NUDCD1: variants seen among roughly 807,000 people sequenced by gnomAD.
NUDCD1 encodes the protein nudC domain-containing protein 1.
A neutral mutation model predicts 67.8 loss-of-function variants in NUDCD1; 60 were observed. The observed-to-expected ratio is 0.88, with a 90% CI of 0.72 to 1.10. The LOEUF (loss-of-function observed/expected upper bound fraction) is 1.10. NUDCD1 is among the 50% of genes least tolerant of loss of function. NUDCD1 has a pLI of 0.00. For missense variants in NUDCD1, 643 were observed against 695.0 expected (o/e 0.93, Z 0.84); for synonymous variants, 244 against 230.8 (o/e 1.06, Z -0.52).
At chr8:109,256,022 G>A (rs1353969665) in intron 8 of NUDCD1, among the ~76,000 whole-genome samples, 2 of 151,810 alleles carry the variant, frequency 1.3e-5, no homozygotes, top group Non-Finnish European at 2.9e-5. Context: ...ACCTGCTTGG[G>A]CAACACAGTG....
intron 8 of NUDCD1, among the ~76,000 whole-genome samples, chr8:109,255,804 G>A (rs1813723332): frequency 6.6e-6 from 1 of 152,082 alleles, no homozygotes; most frequent in Non-Finnish European, 1.5e-5. Context: ...AGGAAACAGT[G>A]AGAAAAGGTA....
intron 2 of NUDCD1, among the ~76,000 whole-genome samples, chr8:109,303,488 C>T (rs560852981): frequency 6.6e-6 from 1 of 152,290 alleles, no homozygotes; most frequent in East Asian, 1.9e-4. Context: ...TTAAAACTCC[C>T]CAACTCTCAT....
In NUDCD1 at chr8:109,296,477, T is replaced by C; in HGVS notation, c.366A>G (p.Ser122=). 2 of 1,613,468 alleles carry C rather than the reference T, an allele frequency of 1.2e-6. No individual in the cohort carries two copies. The highest frequency in any genetic ancestry group is 1.7e-6 in the Non-Finnish European group (2 of 1,179,506). ...DNRLCASIHF[S]SSTWVTLSDG... is the part of the protein sequence containing the mutation. ...CTGACAAGGTAACCCAGGTAGAAGA[T>C]GAGAAATGGATAGATGCACAAAGAC... Residue 122 remains serine, a synonymous_variant, in exon 3 of 10, where the codon TCA becomes TCG. Coordinates refer to ENST00000239690, the MANE Select transcript of NUDCD1 (RefSeq NM_032869.4).
chr8:109,303,397 C>T (rs750294738), intron 2 of NUDCD1, among the ~76,000 whole-genome samples: 3 of 152,212 alleles, frequency 2.0e-5, no homozygotes, highest in Non-Finnish European at 2.9e-5. Context: ...GCCACCCACT[C>T]CACATTACCT....
intron 1 of NUDCD1, chr8:109,329,676 G>T: frequency 4.0e-6 from 3 of 752,386 alleles, no homozygotes; most frequent in South Asian, 2.0e-5. Flanking sequence ...TCTTGATTGT[G>T]GTGATGATTT....
At chr8:109,303,714 T>A (rs1815040989) in intron 2 of NUDCD1, among the ~76,000 whole-genome samples, 1 of 151,958 alleles carries the variant, frequency 6.6e-6, no homozygotes, top group Non-Finnish European at 1.5e-5. Flanking sequence ...ATAGGACACC[T>A]CTACTCCCTC....
intron 2 of NUDCD1, among the ~76,000 whole-genome samples, chr8:109,297,560 T>C (rs1814874434): frequency 6.6e-6 from 1 of 152,180 alleles, no homozygotes; most frequent in Admixed American, 6.6e-5. Context: ...GAGGACGTAT[T>C]ATGCCTCCTT....
At chr8:109,324,857 C>T (rs1244397995) in intron 1 of NUDCD1, among the ~76,000 whole-genome samples, 10 of 152,280 alleles carry the variant, frequency 6.6e-5, no homozygotes, top group Admixed American at 1.3e-4. Flanking sequence ...GAGGCCAAGG[C>T]GGGCGGATCA....
rs115540867 is a variant in NUDCD1 at position 109,261,890 on chromosome 8, A to G, written c.1299+9115T>C. Among the ~76,000 whole-genome samples the G allele has an allele frequency of 6.4e-3, 974 of 152,274 alleles. 15 individuals are homozygous for G. Among genetic ancestry groups the G allele is most frequent in the African/African-American group, 0.022 (907 of 41,540 alleles). On this transcript the variant is annotated intron_variant, in intron 8 of 9. Transcript: ENST00000239690. ...TCACAGGGCCTCACTATGTACTAGT[A>G]AGGGCTAGTACACACCATAAAGAAG...
intron 2 of NUDCD1, among the ~76,000 whole-genome samples, chr8:109,309,056 A>T (rs1215202951): frequency 6.6e-6 from 1 of 152,022 alleles, no homozygotes; most frequent in African/African-American, 2.4e-5. Context: ...TACCAATCCT[A>T]TTGACACTAT....
chr8:109,265,249 T>C (rs549879162), intron 8 of NUDCD1, among the ~76,000 whole-genome samples: 1 of 152,238 alleles, frequency 6.6e-6, no homozygotes, highest in South Asian at 2.1e-4. Context: ...TTACTTTGAA[T>C]GACTTTTTGT....
chr8:109,323,970 T>C (rs1815603709), intron 1 of NUDCD1, among the ~76,000 whole-genome samples: 1 of 151,862 alleles, frequency 6.6e-6, no homozygotes, highest in Admixed American at 6.6e-5. Flanking sequence ...AGAGAAGAAA[T>C]GCTTCAGGAT....
chr8:109,279,403 T>C (rs1464651298), intron 6 of NUDCD1, among the ~76,000 whole-genome samples: 2 of 152,180 alleles, frequency 1.3e-5, no homozygotes, highest in Admixed American at 1.3e-4. Flanking sequence ...TATCTTCTAT[T>C]GTGACATGTC....
intron 8 of NUDCD1, among the ~76,000 whole-genome samples, chr8:109,253,401 T>C (rs1249633404): frequency 1.3e-5 from 2 of 152,178 alleles, no homozygotes; most frequent in Non-Finnish European, 2.9e-5. Flanking sequence ...GAGAACAAGT[T>C]GATTATCAAG....
intron 2 of NUDCD1, among the ~76,000 whole-genome samples, chr8:109,320,249 A>G (rs1265147927): frequency 2.6e-5 from 4 of 152,176 alleles, no homozygotes; most frequent in Admixed American, 1.3e-4. Context: ...TGGGAGCACT[A>G]TGGGAGACTG....
intron 8 of NUDCD1, among the ~76,000 whole-genome samples, chr8:109,264,109 T>C (rs960220486): frequency 1.3e-5 from 2 of 152,214 alleles, no homozygotes; most frequent in African/African-American, 2.4e-5. Flanking sequence ...GTACCATGGT[T>C]GTACTTGGGA....
At chr8:109,311,017 T>C (rs912008933) in intron 2 of NUDCD1, among the ~76,000 whole-genome samples, 2 of 151,854 alleles carry the variant, frequency 1.3e-5, no homozygotes, top group Non-Finnish European at 2.9e-5. Flanking sequence ...GGTTTCACCA[T>C]GTTGGCCAGG....
At chr8:109,249,813 T>A (rs1813580839) in intron 8 of NUDCD1, among the ~76,000 whole-genome samples, 1 of 151,190 alleles carries the variant, frequency 6.6e-6, no homozygotes. Flanking sequence ...AAGAATCCCA[T>A]TAAAAAATGA....
At chr8:109,288,278 T>C (rs930475682) in intron 5 of NUDCD1, among the ~76,000 whole-genome samples, 2 of 152,190 alleles carry the variant, frequency 1.3e-5, no homozygotes, top group African/African-American at 4.8e-5. Context: ...CAATCTGTCT[T>C]GGAACTGCAT....
Sources: gnomAD v4.1 joint callset for allele counts (sites outside exome capture counted in the v4.1 genomes callset) on GRCh38, gnomAD v4.1.1 for gene constraint, MANE v1.5 for transcripts, NCBI Gene and HGNC (gene_info 2026-07-23, HGNC 2026-07-21) for gene names.